Variants in ARHGAP21 observed in about 807,000 individuals in gnomAD.
The protein encoded by ARHGAP21 is Rho GTPase activating protein 21, also known as rho GTPase-activating protein 21.
In ARHGAP21, 38 loss-of-function variants were observed where a neutral mutation model predicts 164.6. The observed-to-expected ratio is 0.23, with a 90% CI of 0.18 to 0.30. The LOEUF (loss-of-function observed/expected upper bound fraction) is 0.30, where lower values mean the gene tolerates loss of function less well. Among genes scored for constraint, ARHGAP21 ranks in the 10% least tolerant of loss-of-function variants. The probability of loss-of-function intolerance (pLI) is 1.00; values close to 1 mark genes in which losing one functional copy is unlikely to be tolerated. For missense variants in ARHGAP21, 1,822 were observed against 2,370.7 expected (o/e 0.77, Z 4.81); for synonymous variants, 766 against 857.9 (o/e 0.89, Z 1.87).
At chr10:24,720,144 T>C (rs1477204078) in intron 2 of ARHGAP21, among the ~76,000 whole-genome samples, 1 of 150,508 alleles carries the variant, frequency 6.6e-6, no homozygotes, top group Non-Finnish European at 1.5e-5. Flanking sequence ...AAAAAATACA[T>C]AACTGTCATT....
At chr10:24,619,379 A>G in intron 9 of ARHGAP21, 94 bp downstream of exon 9, 1 of 1,241,664 alleles carries the variant, frequency 8.1e-7, no homozygotes, top group East Asian at 2.4e-5. Flanking sequence ...ATCACAGTGT[A>G]AGACTTCTAT....
At position 24,620,252 on chromosome 10, in the gene ARHGAP21, T is replaced by C; in HGVS notation, c.1643A>G (p.Glu548Gly). The C allele has an allele frequency of 6.2e-7, 1 of 1,614,000 alleles. No individual in the cohort carries two copies. The highest frequency in any genetic ancestry group is 2.2e-5 in the East Asian group (1 of 44,888). Residue 548 changes from glutamate (E) to glycine (G), a missense_variant, in exon 9 of 26, where the codon GAA becomes GGA. Glu to Gly is a moderately conservative substitution (Grantham distance 98, BLOSUM62 -2). Transcript: ENST00000396432. ...GGAACCTCGAAAAGATTTATGAATT[T>C]CTTGCTGCCTAGGTCTTTCACAAAT... ...RGICERPRQQ[E>G]IHKSFRGSNF...
intron 2 of ARHGAP21, among the ~76,000 whole-genome samples, chr10:24,692,639 C>T (rs1473944581): frequency 6.6e-6 from 1 of 152,134 alleles, no homozygotes; most frequent in African/African-American, 2.4e-5. Context: ...TGAGACCAGC[C>T]TGGCCAACAT....
chr10:24,719,218 G>C (rs1845697628), intron 2 of ARHGAP21, among the ~76,000 whole-genome samples: 1 of 152,092 alleles, frequency 6.6e-6, no homozygotes, highest in Non-Finnish European at 1.5e-5. Context: ...AAATTCGTGT[G>C]AGTACCATCT....
chr10:24,607,957 TAAA>T (rs2077100992), intron 9 of ARHGAP21, 54 bp from the exon 10 acceptor site: 1 of 1,490,846 alleles, frequency 6.7e-7, no homozygotes, highest in Non-Finnish European at 9.0e-7. Context: ...TTATTAATAA[TAAA>T]ACTCAGTCAA....
At chr10:24,623,772 C>T (rs1366427936) in intron 7 of ARHGAP21, among the ~76,000 whole-genome samples, 3 of 152,166 alleles carry the variant, frequency 2.0e-5, no homozygotes, top group Admixed American at 1.3e-4. Context: ...CTCAAAACCA[C>T]GACGACACTA....
chr10:24,721,179 A>T (rs1300678323), intron 2 of ARHGAP21, among the ~76,000 whole-genome samples: 2 of 152,174 alleles, frequency 1.3e-5, no homozygotes, highest in Non-Finnish European at 2.9e-5. Flanking sequence ...GACACCCCAG[A>T]GCAGCTCACA....
At chr10:24,717,254 C>T (rs904196233) in intron 2 of ARHGAP21, among the ~76,000 whole-genome samples, 4 of 152,068 alleles carry the variant, frequency 2.6e-5, no homozygotes, top group African/African-American at 9.7e-5. Flanking sequence ...GTATAATGTC[C>T]GGGAATCTAA....
chr10:24,704,850 C>T (rs1423057453), intron 2 of ARHGAP21, among the ~76,000 whole-genome samples: 3 of 152,132 alleles, frequency 2.0e-5, no homozygotes, highest in African/African-American at 4.8e-5. Flanking sequence ...AAGTGATCCT[C>T]CCAAGGTGCT....
chr10:24,597,598 G>C lies in ARHGAP21; in HGVS notation c.3198-15C>G, dbSNP rs769826081. ...GTTCTGCTTTGCTGTTGAAGGAAATGACATTTGTTAACAATTACAGTAATC... is the reference window on the plus strand; with the variant it reads ...GTTCTGCTTTGCTGTTGAAGGAAATCACATTTGTTAACAATTACAGTAATC... On this transcript the variant is annotated splice_polypyrimidine_tract_variant and intron_variant, in intron 15 of 25. Transcript: ENST00000396432. 3.7e-6 allele frequency: 6 copies of C among 1,613,244 alleles called. No individual in the cohort carries two copies. The African/African-American group carries it at 8.0e-5, about 22-fold the overall frequency.
chr10:24,717,153 G>A lies in ARHGAP21; in HGVS notation c.63+4684C>T, dbSNP rs527638137. On this transcript the variant is annotated intron_variant, in intron 2 of 25. Coordinates refer to ENST00000396432, the MANE Select transcript of ARHGAP21 (RefSeq NM_020824.4). Reference sequence around the variant, plus strand: ...AAGAAATGAGGATTAACTGAGCTTTGAGGTGTAGAAAGGTTTAGCAAATCA... The same window carrying A: ...AAGAAATGAGGATTAACTGAGCTTTAAGGTGTAGAAAGGTTTAGCAAATCA... Among the ~76,000 whole-genome samples, 113 of 152,320 alleles carry A rather than the reference G, an allele frequency of 7.4e-4. No homozygotes were observed. The South Asian group carries it at 0.022, about 30-fold the overall frequency.
chr10:24,641,317 A>G (rs985550233), intron 4 of ARHGAP21, among the ~76,000 whole-genome samples: 9 of 152,176 alleles, frequency 5.9e-5, no homozygotes, highest in African/African-American at 2.2e-4. Context: ...TGGTAAGGAG[A>G]GAAGCACTAA....
At chr10:24,669,903 T>C (rs1390042214) in intron 3 of ARHGAP21, among the ~76,000 whole-genome samples, 2 of 152,144 alleles carry the variant, frequency 1.3e-5, no homozygotes, top group Non-Finnish European at 2.9e-5. Context: ...CCCAGAAAAC[T>C]CACTACCTTT....
intron 2 of ARHGAP21, among the ~76,000 whole-genome samples, chr10:24,699,108 G>A (rs1034680946): frequency 2.6e-5 from 4 of 152,102 alleles, no homozygotes; most frequent in Middle Eastern, 3.2e-3. Context: ...TAGCTCTTCA[G>A]TACTGTGTAT....
At chr10:24,715,666 G>A (rs1845304010) in intron 2 of ARHGAP21, among the ~76,000 whole-genome samples, 2 of 152,120 alleles carry the variant, frequency 1.3e-5, no homozygotes, top group South Asian at 4.1e-4. Context: ...GTGGGCAGGA[G>A]GTCTAAGGAA....
intron 4 of ARHGAP21, among the ~76,000 whole-genome samples, chr10:24,654,517 CAATTGTTTCAAA>C (rs1488965394): frequency 1.3e-5 from 2 of 152,282 alleles, no homozygotes; most frequent in East Asian, 3.9e-4. Context: ...CTCCCATTCA[CAATTGTTTCAAA>C]GAGAATAAAA....
chr10:24,635,229 T>C, intron 4 of ARHGAP21, 126 bp from the exon 5 acceptor site: 2 of 548,258 alleles, frequency 3.6e-6, no homozygotes, highest in Non-Finnish European at 6.1e-6. Context: ...ATATCCTGAA[T>C]TTGGATGCTA....
chr10:24,625,310 A>C (rs1835026407), intron 7 of ARHGAP21, among the ~76,000 whole-genome samples: 2 of 150,382 alleles, frequency 1.3e-5, no homozygotes, highest in African/African-American at 4.9e-5. Context: ...AAAAAAAAAA[A>C]AAAAAAAAAA....
At chr10:24,672,905 T>C (rs1840851467) in intron 2 of ARHGAP21, among the ~76,000 whole-genome samples, 1 of 152,092 alleles carries the variant, frequency 6.6e-6, no homozygotes, top group South Asian at 2.1e-4. Context: ...AGCATTTCCA[T>C]ATACTAGCAA....
Sources: gnomAD v4.1 joint callset for allele counts (sites outside exome capture counted in the v4.1 genomes callset) on GRCh38, gnomAD v4.1.1 for gene constraint, MANE v1.5 for transcripts, NCBI Gene and HGNC (gene_info 2026-07-23, HGNC 2026-07-21) for gene names.